Variants in ZNF148 observed in about 807,000 individuals in gnomAD.
The protein encoded by ZNF148 is Beta-Enolase Repressor Factor-1.
ZNF148 carries 7 observed loss-of-function variants against 67.7 expected under a neutral mutation model. That is an observed-to-expected ratio of 0.10 (90% confidence interval 0.06 to 0.19). ZNF148 has a LOEUF of 0.19. ZNF148 is among the 10% of genes least tolerant of loss of function. The pLI is 1.00. For missense variants in ZNF148, 583 were observed against 947.1 expected (o/e 0.62, Z 5.05); for synonymous variants, 333 against 330.7 (o/e 1.01, Z -0.08).
intron 1 of ZNF148, among the ~76,000 whole-genome samples, chr3:125,351,945 T>C (rs1310320026): frequency 2.0e-5 from 3 of 152,090 alleles, no homozygotes; most frequent in African/African-American, 2.4e-5. Flanking sequence ...CTGATAGAAA[T>C]GTAAAATGGT....
intron 1 of ZNF148, chr3:125,357,266 T>G: frequency 6.5e-6 from 1 of 153,234 alleles, no homozygotes. Context: ...TCCGCGCCCC[T>G]CCGCCTCCTC....
At position 125,287,965 on chromosome 3, in the gene ZNF148, T is replaced by G. The variant is rs116011657; in HGVS notation, c.459+138A>C. The G allele has an allele frequency of 2.5e-3, 2,961 of 1,186,104 alleles. 35 individuals carry two copies. The African/African-American group carries it at 0.031, about 12-fold the overall frequency. 73.5% of individuals were successfully genotyped at this position (1,186,104 alleles called of 1,614,324 possible). ...TTGAAAGCAAGGCCCACCACCTCCA[T>G]GCAGGCACGCACCCCCTCCTACTAA... On this transcript the variant is annotated intron_variant, in intron 5 of 8. Transcript: ENST00000360647.
At chr3:125,284,827 G>A (rs1305884706) in intron 5 of ZNF148, among the ~76,000 whole-genome samples, 2 of 151,064 alleles carry the variant, frequency 1.3e-5, no homozygotes, top group East Asian at 3.9e-4. Context: ...TCTTCATCAG[G>A]CATGCTGCCA....
intron 7 of ZNF148, among the ~76,000 whole-genome samples, chr3:125,238,221 T>C (rs1297058019): frequency 1.3e-5 from 2 of 152,186 alleles, no homozygotes; most frequent in Non-Finnish European, 2.9e-5. Flanking sequence ...ATGACCTTAG[T>C]TAGGCAATGG....
intron 7 of ZNF148, among the ~76,000 whole-genome samples, chr3:125,244,982 A>C (rs1168787246): frequency 6.6e-6 from 1 of 152,162 alleles, no homozygotes; most frequent in South Asian, 2.1e-4. Flanking sequence ...TAGTTCTTCA[A>C]AACAAGCTTT....
intron 7 of ZNF148, among the ~76,000 whole-genome samples, chr3:125,269,505 T>C (rs1333736467): frequency 2.0e-5 from 3 of 151,710 alleles, no homozygotes; most frequent in East Asian, 3.9e-4. Flanking sequence ...TTATACATTA[T>C]TGGTAGACGT....
intron 4 of ZNF148, among the ~76,000 whole-genome samples, chr3:125,303,530 T>C (rs1939712191): frequency 6.6e-6 from 1 of 152,174 alleles, no homozygotes; most frequent in African/African-American, 2.4e-5. Flanking sequence ...GCTCAAACCC[T>C]ATTGTGAACT....
chr3:125,233,907 A>G lies in ZNF148; in HGVS notation c.819T>C (p.His273=), dbSNP rs768264505. The part of the protein sequence containing the change: ...YFSRTDRVLK[H]KRMCHENHDK... Reference sequence around the variant, plus strand: ...CATGATTTTCATGGCACATACGTTTATGTTTCAATACACGATCTGTTCTGG... The same window carrying G: ...CATGATTTTCATGGCACATACGTTTGTGTTTCAATACACGATCTGTTCTGG... Residue 273 remains histidine, a synonymous_variant, in exon 9 of 9, where the codon CAT becomes CAC. Transcript: ENST00000360647. The surrounding 1 kb of genome is among the most constrained non-coding windows in gnomAD (Gnocchi z 5.1). 23 of 1,609,112 alleles carry G rather than the reference A, an allele frequency of 1.4e-5. No individual in the cohort carries two copies. The highest frequency in any genetic ancestry group is 2.0e-5 in the Non-Finnish European group (23 of 1,178,768).
intron 1 of ZNF148, among the ~76,000 whole-genome samples, chr3:125,340,484 C>T (rs1331890321): frequency 2.6e-5 from 4 of 152,148 alleles, no homozygotes; most frequent in African/African-American, 9.7e-5. Context: ...AAAGAAGAGA[C>T]CAGTAGGTGG....
chr3:125,337,166 G>A (rs1390259909), intron 1 of ZNF148, among the ~76,000 whole-genome samples: 1 of 152,016 alleles, frequency 6.6e-6, no homozygotes, highest in African/African-American at 2.4e-5. Context: ...GCCATCAAGT[G>A]AAAATTTTCA....
chr3:125,345,066 G>T (rs568165560), intron 1 of ZNF148, among the ~76,000 whole-genome samples: 3 of 152,206 alleles, frequency 2.0e-5, no homozygotes, highest in African/African-American at 7.2e-5. Context: ...AACCAACATG[G>T]TCTTCTTGAC....
intron 3 of ZNF148, among the ~76,000 whole-genome samples, chr3:125,317,718 T>A (rs867153470): frequency 0.13 from 18,019 of 135,074 alleles, 1,211 homozygotes; most frequent in Admixed American, 0.17. Context: ...TATATATTTT[T>A]TTTTTTTTCT....
At position 125,305,208 on chromosome 3, in the gene ZNF148, A is replaced by C. The variant is rs571935733; in HGVS notation, c.333+8100T>G. 2.0e-5 allele frequency among the ~76,000 whole-genome samples: 3 copies of C among 152,364 alleles called. No homozygotes were observed. In the East Asian group the frequency reaches 5.8e-4, roughly 29 times the overall value. ...TAAAACTCAGGTGCTGCCTGTCAGA[A>C]TGCAATGGCGAGAAAACACAGCATT... On this transcript the variant is annotated intron_variant, in intron 4 of 8. Coordinates refer to ENST00000360647, the MANE Select transcript of ZNF148 (RefSeq NM_021964.3).
chr3:125,351,550 A>AT lies in ZNF148; in HGVS notation c.-233-20313dup, dbSNP rs574088214. ...TAAAAGGATAGGTCTCATATTATGT[A>AT]TTTTTTATTACAATAAGAAAATTTT... On this transcript the variant is annotated intron_variant, in intron 1 of 8. Coordinates refer to ENST00000360647, the MANE Select transcript of ZNF148 (RefSeq NM_021964.3). Among the ~76,000 whole-genome samples, 85 of 152,296 alleles carry AT rather than the reference A, an allele frequency of 5.6e-4. No individual in the cohort carries two copies. In the South Asian group the frequency reaches 9.5e-3, roughly 17 times the overall value.
chr3:125,309,625 T>C (rs938230503), intron 4 of ZNF148, among the ~76,000 whole-genome samples: 1 of 152,200 alleles, frequency 6.6e-6, no homozygotes, highest in Non-Finnish European at 1.5e-5. Flanking sequence ...GGGACGGGAT[T>C]ATGACGGCTA....
At chr3:125,331,458 T>C (rs1941288834) in intron 1 of ZNF148, among the ~76,000 whole-genome samples, 1 of 152,206 alleles carries the variant, frequency 6.6e-6, no homozygotes, top group Non-Finnish European at 1.5e-5. Context: ...ATGACTCACA[T>C]ACAAATTGGA....
Position 125,233,319 on chromosome 3 carries a change from C to G in ZNF148, c.1407G>C (p.Gln469His). Reference protein sequence around the residue: ...HSSTNYDDAMQFLKKKRYLQA... With the variant: ...HSSTNYDDAMHFLKKKRYLQA... ...GAAGATACCGCTTCTTCTTCAAAAA[C>G]TGCATGGCATCATCATAATTAGTAC... Residue 469 changes from glutamine (Q) to histidine (H), a missense_variant, in exon 9 of 9, where the codon CAG becomes CAC. Around this residue, in one of 5 missense-constraint regions of ZNF148, gnomAD observed 172 missense variants for 307.7 expected, o/e 0.56. Transcript: ENST00000360647. The surrounding 1 kb of genome is among the most constrained non-coding windows in gnomAD (Gnocchi z 5.1). 6.2e-7 allele frequency: 1 copy of G among 1,614,014 alleles called. No homozygotes were observed.
chr3:125,324,694 T>G (rs1299270915), intron 2 of ZNF148, among the ~76,000 whole-genome samples: 1 of 152,250 alleles, frequency 6.6e-6, no homozygotes, highest in Non-Finnish European at 1.5e-5. Flanking sequence ...TACATTAGCT[T>G]ATGATGGTAC....
At chr3:125,254,480 A>C (rs1377695651) in intron 7 of ZNF148, among the ~76,000 whole-genome samples, 1 of 152,226 alleles carries the variant, frequency 6.6e-6, no homozygotes. Context: ...ACATTATCAT[A>C]GGTAACCACT....
Sources: gnomAD v4.1 joint callset for allele counts (sites outside exome capture counted in the v4.1 genomes callset) on GRCh38, gnomAD v4.1.1 for gene constraint, gnomAD v4.1.1 regional missense constraint, Gnocchi (gnomAD v3.1) non-coding constraint, MANE v1.5 for transcripts, NCBI Gene and HGNC (gene_info 2026-07-23, HGNC 2026-07-21) for gene names.